TFCP2: variants seen among roughly 807,000 people sequenced by gnomAD.
TFCP2 encodes the protein alpha-globin transcription factor CP2.
A neutral mutation model predicts 73.4 loss-of-function variants in TFCP2; 33 were observed. That is an observed-to-expected ratio of 0.45 (90% CI 0.34 to 0.60). The LOEUF is 0.60. TFCP2 is among the 20% of genes least tolerant of loss of function. The pLI is 0.01. For synonymous variants in TFCP2, 193 were observed against 211.6 expected (o/e 0.91, Z 0.76); for missense variants, 352 against 604.0 (o/e 0.58, Z 4.37).
intron 1 of TFCP2, among the ~76,000 whole-genome samples, chr12:51,155,903 A>G (rs915147833): frequency 6.6e-6 from 1 of 152,172 alleles, no homozygotes; most frequent in Admixed American, 6.5e-5. Context: ...TTAGCTGGGC[A>G]TGGTGGCACA....
chr12:51,097,085 C>T (rs1939982446), intron 13 of TFCP2, among the ~76,000 whole-genome samples: 1 of 151,922 alleles, frequency 6.6e-6, no homozygotes. Context: ...GCCTCAGCCT[C>T]CTGAGTAGGT....
intron 1 of TFCP2, among the ~76,000 whole-genome samples, chr12:51,123,474 G>A (rs1940731965): frequency 6.6e-6 from 1 of 152,198 alleles, no homozygotes; most frequent in African/African-American, 2.4e-5. Flanking sequence ...TTCCTCAGAG[G>A]TGAGTTTAGA....
intron 11 of TFCP2, among the ~76,000 whole-genome samples, chr12:51,100,220 C>T (rs577029347): frequency 9.9e-5 from 15 of 152,176 alleles, no homozygotes; most frequent in South Asian, 6.2e-4. Context: ...TAAAAGCCAC[C>T]GTCTAATGGG....
In TFCP2 at chr12:51,155,699, G is replaced by T. The variant is rs1302592429; in HGVS notation, c.122+16602C>A. On this transcript the variant is annotated intron_variant, in intron 1 of 14. Coordinates refer to ENST00000257915, the MANE Select transcript of TFCP2 (RefSeq NM_005653.5). ...ATCCTTTTAATATGCTGTTAAATCT[G>T]GTTTGCTGGTATTTTGTTGATGATT... Among the ~76,000 whole-genome samples the T allele has an allele frequency of 2.0e-5, 3 of 152,216 alleles. No homozygotes were observed. The East Asian group carries it at 5.8e-4, about 29-fold the overall frequency.
At chr12:51,169,854 C>A (rs1333231134) in intron 1 of TFCP2, among the ~76,000 whole-genome samples, 1 of 152,162 alleles carries the variant, frequency 6.6e-6, no homozygotes, top group African/African-American at 2.4e-5. Context: ...GCAAGCCATT[C>A]TAATGTCTGT....
chr12:51,142,201 C>T (rs1443187396), intron 1 of TFCP2, among the ~76,000 whole-genome samples: 2 of 13,294 alleles, frequency 1.5e-4, no homozygotes, highest in African/African-American at 5.4e-4. Context: ...AAGACTCTGT[C>T]GCAAAAAAAA....
intron 1 of TFCP2, among the ~76,000 whole-genome samples, chr12:51,157,347 G>A (rs1457010405): frequency 6.6e-6 from 1 of 151,996 alleles, no homozygotes; most frequent in Non-Finnish European, 1.5e-5. Context: ...TAAGAGACAG[G>A]CTCTGTTACC....
intron 1 of TFCP2, among the ~76,000 whole-genome samples, chr12:51,133,308 ACT>A (rs756636247): frequency 3.0e-4 from 45 of 151,592 alleles, no homozygotes; most frequent in Admixed American, 6.6e-4. Context: ...ACCTATTTTC[ACT>A]CTCTCTTTTT....
At chr12:51,096,188 C>T in intron 13 of TFCP2, 148 bp from the exon 14 acceptor site, 1 of 618,038 alleles carries the variant, frequency 1.6e-6, no homozygotes, top group Non-Finnish European at 2.7e-6. Context: ...TATCTAGGAT[C>T]ATAAAAGTTT....
chr12:51,133,189 A>T (rs969248718), intron 1 of TFCP2, among the ~76,000 whole-genome samples: 1 of 152,246 alleles, frequency 6.6e-6, no homozygotes, highest in African/African-American at 2.4e-5. Context: ...AAGAAAAAAT[A>T]ACAGAGCACA....
intron 1 of TFCP2, among the ~76,000 whole-genome samples, chr12:51,156,224 G>A (rs1200179201): frequency 6.6e-6 from 1 of 152,038 alleles, no homozygotes; most frequent in Non-Finnish European, 1.5e-5. Flanking sequence ...TCTGCAGGCT[G>A]TACAAGAAGC....
At chr12:51,140,929 G>A (rs528805620) in intron 1 of TFCP2, among the ~76,000 whole-genome samples, 3 of 151,844 alleles carry the variant, frequency 2.0e-5, no homozygotes, top group South Asian at 4.2e-4. Flanking sequence ...GGTGGCAGGC[G>A]CCTGTAATCC....
intron 8 of TFCP2, among the ~76,000 whole-genome samples, chr12:51,105,886 T>C (rs1592791497): frequency 3.3e-5 from 5 of 152,248 alleles, no homozygotes; most frequent in East Asian, 1.9e-4. Context: ...AATATGGCTA[T>C]GTGAAATACA....
chr12:51,142,203 C>CAAAAAAAAAAAAAAAA (rs3053458), intron 1 of TFCP2, among the ~76,000 whole-genome samples: 1 of 52,742 alleles, frequency 1.9e-5, no homozygotes, highest in African/African-American at 8.6e-5. Context: ...GACTCTGTCG[C>CAAAAAAAAAAAAAAAA]AAAAAAAAAA....
intron 1 of TFCP2, among the ~76,000 whole-genome samples, chr12:51,172,031 A>C (rs1047667972): frequency 1.4e-4 from 21 of 152,182 alleles, no homozygotes; most frequent in African/African-American, 5.1e-4. Flanking sequence ...CCACATTGGC[A>C]CAAAAGCCTC....
chr12:51,116,258 C>A (rs914664814), intron 4 of TFCP2, 57 bp downstream of exon 4: 1 of 915,000 alleles, frequency 1.1e-6, no homozygotes. Flanking sequence ...ATAAAGAAAA[C>A]CAACTCTGGG....
chr12:51,124,270 A>AT (rs1160525009), intron 1 of TFCP2, among the ~76,000 whole-genome samples: 1 of 151,732 alleles, frequency 6.6e-6, no homozygotes, highest in Non-Finnish European at 1.5e-5. Flanking sequence ...TAATTCTTAA[A>AT]TTTTTTGTAG....
intron 1 of TFCP2, among the ~76,000 whole-genome samples, chr12:51,149,018 C>A: frequency 1.2e-4 from 1 of 8,258 alleles, no homozygotes; most frequent in Admixed American, 1.1e-3. Flanking sequence ...GAGCAAGACT[C>A]CATCTCAAAA....
At chr12:51,113,624 G>C (rs1940452157) in intron 4 of TFCP2, among the ~76,000 whole-genome samples, 1 of 152,178 alleles carries the variant, frequency 6.6e-6, no homozygotes, top group African/African-American at 2.4e-5. Flanking sequence ...AACAAAGTTG[G>C]AGTTCTCATG....
Sources: allele counts gnomAD v4.1 joint callset (sites outside exome capture counted in the v4.1 genomes callset), GRCh38; gene constraint gnomAD v4.1.1; transcripts MANE v1.5; gene names NCBI Gene and HGNC (gene_info 2026-07-23, HGNC 2026-07-21).